MIDEAS: variants seen among roughly 807,000 people sequenced by gnomAD.
The protein encoded by MIDEAS is mitotic deacetylase-associated SANT domain protein.
MIDEAS carries 26 observed loss-of-function variants against 102.7 expected under a neutral mutation model. The observed-to-expected ratio is 0.25, with a 90% CI of 0.19 to 0.35. The LOEUF (loss-of-function observed/expected upper bound fraction) is 0.35. Ranked by LOEUF, MIDEAS falls within the 10% of genes least tolerant of loss-of-function variation. MIDEAS has a pLI of 1.00. For synonymous variants in MIDEAS, 585 were observed against 591.0 expected (o/e 0.99, Z 0.15); for missense variants, 1,231 against 1,435.6 (o/e 0.86, Z 2.30).
In MIDEAS at chr14:73,739,752, G is replaced by A. The variant is rs35302179; in HGVS notation, c.257C>T (p.Ala86Val). The change falls in exon 2 of 13, where the codon GCC (alanine) becomes GTC (valine). Residue 86 changes from alanine (A) to valine (V), a missense_variant. Physicochemically the swap from Ala to Val is moderately conservative, Grantham distance 64 (BLOSUM62 0). Coordinates refer to ENST00000423556, the MANE Select transcript of MIDEAS (RefSeq NM_001367710.1). ...TGAGGCCACCTGCTGGGACAGCATGGCTGCTGAGGTCCGCTCAGGCCCATA... is the reference window on the plus strand; with the variant it reads ...TGAGGCCACCTGCTGGGACAGCATGACTGCTGAGGTCCGCTCAGGCCCATA... ...VVYGPERTSA[A>V]MLSQQVASVK... 2.0e-3 allele frequency: 3,228 copies of A among 1,613,800 alleles called. 71 individuals are homozygous for A. In the African/African-American group the frequency reaches 0.039, roughly 19 times the overall value.
At chr14:73,766,209 T>C (rs982900795) in intron 1 of MIDEAS, among the ~76,000 whole-genome samples, 7 of 152,224 alleles carry the variant, frequency 4.6e-5, no homozygotes, top group African/African-American at 1.4e-4. Flanking sequence ...CACCTGCTTA[T>C]TGCAGCATAT....
intron 1 of MIDEAS, among the ~76,000 whole-genome samples, chr14:73,745,095 C>T (rs137957623): frequency 5.2e-4 from 79 of 152,284 alleles, no homozygotes; most frequent in African/African-American, 1.8e-3. Flanking sequence ...CGACACAGCC[C>T]GCATTCCTGC....
intron 1 of MIDEAS, among the ~76,000 whole-genome samples, chr14:73,747,052 C>T (rs113842259): frequency 0.016 from 2,479 of 152,304 alleles, 64 homozygotes; most frequent in African/African-American, 0.056. Context: ...GTTCCTTCTG[C>T]CTGGAAGCCC....
Position 73,779,388 on chromosome 14 carries a change from C to G in MIDEAS, c.-248+7714G>C, listed in dbSNP as rs1158980039. On this transcript the variant is annotated intron_variant, in intron 1 of 11. Transcript: ENST00000394071. ...CCAGCCTGGACGACAGAGCACGATT[C>G]CATCTCAAAAAAAAAAAAAAAAAAG... 5.0e-3 allele frequency among the ~76,000 whole-genome samples: 484 copies of G among 97,038 alleles called. 5 individuals are homozygous for G. The highest frequency in any genetic ancestry group is 7.5e-3 in the Non-Finnish European group (364 of 48,316). The allele number at this position is 97,038 out of a possible 152,430, so 63.7% of individuals were successfully genotyped here.
chr14:73,719,278 C>T (rs754717812), intron 12 of MIDEAS, 27 bp downstream of exon 12: 1 of 1,608,262 alleles, frequency 6.2e-7, no homozygotes, highest in Non-Finnish European at 8.5e-7. Flanking sequence ...GCGGGGGTCC[C>T]AGCGGGGACA....
At chr14:73,766,424 T>A (rs2053592683) in intron 1 of MIDEAS, among the ~76,000 whole-genome samples, 1 of 152,266 alleles carries the variant, frequency 6.6e-6, no homozygotes, top group African/African-American at 2.4e-5. Context: ...TTACTTTTAT[T>A]ACTGTTCTAT....
chr14:73,740,393 G>A (rs1717336818), intron 1 of MIDEAS, 138 bp from the exon 2 acceptor site: 2 of 397,704 alleles, frequency 5.0e-6, no homozygotes. Flanking sequence ...CCAAGTCACA[G>A]AGCAGCATTG....
At chr14:73,779,955 C>T (rs2053736728) in intron 1 of MIDEAS, among the ~76,000 whole-genome samples, 1 of 150,254 alleles carries the variant, frequency 6.7e-6, no homozygotes, top group African/African-American at 2.4e-5. Flanking sequence ...TCACTGCAAG[C>T]TCCTCCTCCC....
At position 73,739,141 on chromosome 14, in the gene MIDEAS, G is replaced by A. The variant is rs201037770; in HGVS notation, c.868C>T (p.Leu290=). Residue 290 remains leucine, a synonymous_variant, in exon 2 of 13, where the codon CTG becomes TTG. Coordinates refer to ENST00000423556, the MANE Select transcript of MIDEAS (RefSeq NM_001367710.1). ...TGTCCCAGTGGCCCAGCTGGCTGCA[G>A]GCCAAAGTCCTGGGGTTGCTGCGAG... The part of the protein sequence containing the change: ...QPSQQPQDFG[L]QPAGPLGQSH... 106 of 1,613,186 alleles carry A rather than the reference G, an allele frequency of 6.6e-5. No individual in the cohort carries two copies. Among genetic ancestry groups the A allele is most frequent in the Non-Finnish European group, 8.5e-5 (100 of 1,179,450 alleles).
At chr14:73,769,936 G>A (rs1276943640) in intron 1 of MIDEAS, among the ~76,000 whole-genome samples, 3 of 146,896 alleles carry the variant, frequency 2.0e-5, no homozygotes, top group South Asian at 2.1e-4. Flanking sequence ...TAATTTTTGC[G>A]GGTATATTGT....
chr14:73,727,692 G>A (rs1161164372), intron 4 of MIDEAS, 168 bp from the exon 5 acceptor site: 42 of 608,274 alleles, frequency 6.9e-5, no homozygotes, highest in Admixed American at 5.9e-4. Context: ...CTACGAAAAC[G>A]CAGGCCCTTC....
intron 1 of MIDEAS, among the ~76,000 whole-genome samples, chr14:73,740,558 T>C (rs944160331): frequency 1.3e-5 from 2 of 152,214 alleles, no homozygotes; most frequent in African/African-American, 4.8e-5. Flanking sequence ...GTGCACTGCA[T>C]AGGCACATTC....
intron 1 of MIDEAS, among the ~76,000 whole-genome samples, chr14:73,766,556 C>CTT (rs898994629): frequency 6.8e-6 from 1 of 146,600 alleles, no homozygotes; most frequent in Non-Finnish European, 1.5e-5. Flanking sequence ...CTTTTCTTTT[C>CTT]TTTTTTTTTT....
At position 73,781,539 on chromosome 14, in the gene MIDEAS, A is replaced by G. The variant is rs182399814; in HGVS notation, c.-248+5563T>C. 4.5e-4 allele frequency among the ~76,000 whole-genome samples: 69 copies of G among 151,652 alleles called. 1 individual carries two copies. The highest frequency in any genetic ancestry group is 1.5e-3 in the African/African-American group (63 of 41,416). On this transcript the variant is annotated intron_variant, in intron 1 of 11. Transcript: ENST00000394071. ...CACCTGAAGTTGGGAGTTCGAGACCAGCCTGACCAACATGGAGAAACCCTG... is the reference window on the plus strand; with the variant it reads ...CACCTGAAGTTGGGAGTTCGAGACCGGCCTGACCAACATGGAGAAACCCTG...
At chr14:73,777,659 T>C (rs1198770723) in intron 1 of MIDEAS, among the ~76,000 whole-genome samples, 1 of 151,986 alleles carries the variant, frequency 6.6e-6, no homozygotes, top group Non-Finnish European at 1.5e-5. Flanking sequence ...GGTGGATGCC[T>C]ACTCGTTTCT....
chr14:73,763,877 T>C (rs752570261), upstream of MIDEAS, among the ~76,000 whole-genome samples: 3 of 149,778 alleles, frequency 2.0e-5, no homozygotes, highest in Non-Finnish European at 4.4e-5. Context: ...TAAGTGTTCA[T>C]TGCATGAACA....
chr14:73,772,987 C>T (rs573617737), intron 1 of MIDEAS, among the ~76,000 whole-genome samples: 19 of 151,948 alleles, frequency 1.3e-4, no homozygotes, highest in Non-Finnish European at 2.6e-4. Context: ...TACAGGCGCG[C>T]ACCACCACAC....
upstream of MIDEAS, among the ~76,000 whole-genome samples, chr14:73,761,103 C>CGGT (rs1465456612): frequency 6.6e-6 from 1 of 151,782 alleles, no homozygotes; most frequent in African/African-American, 2.4e-5. Flanking sequence ...GTGGCGGCGG[C>CGGT]GGTGGTGGCG....
chr14:73,742,717 C>T lies in MIDEAS; in HGVS notation c.-247-2462G>A, dbSNP rs2053298152. On this transcript the variant is annotated intron_variant, in intron 1 of 12. Transcript: ENST00000423556. The surrounding 1 kb of genome is among the most constrained non-coding windows in gnomAD (Gnocchi z 4.4). ...CTTCTTGCTGCAGAGGCCTCCCTGT[C>T]ACCCTCACCGAAGAGCTAAGGGTGC... 6.6e-6 allele frequency among the ~76,000 whole-genome samples: 1 copy of T among 152,216 alleles called. No individual in the cohort carries two copies. Among genetic ancestry groups the T allele is most frequent in the African/African-American group, 2.4e-5 (1 of 41,452 alleles).
Sources: gnomAD v4.1 joint callset for allele counts (sites outside exome capture counted in the v4.1 genomes callset) on GRCh38, gnomAD v4.1.1 for gene constraint, Gnocchi (gnomAD v3.1) non-coding constraint, MANE v1.5 for transcripts, NCBI Gene and HGNC (gene_info 2026-07-23, HGNC 2026-07-21) for gene names.